The following CERS2 variants were observed in gnomAD, a reference collection of about 807,000 sequenced individuals.
CERS2 encodes the protein LAG1 homolog, ceramide synthase 2.
Under a neutral mutation model 56.6 loss-of-function variants are expected in CERS2, and 20 were observed. The ratio of observed to expected loss-of-function variants is 0.35; its 90% CI spans 0.25 to 0.51. The LOEUF is 0.51. Among genes scored for constraint, CERS2 ranks in the 20% least tolerant of loss-of-function variants. CERS2 has a pLI of 0.96. For missense variants in CERS2, 361 were observed against 488.6 expected (o/e 0.74, Z 2.46); for synonymous variants, 187 against 175.4 (o/e 1.07, Z -0.52).
chr1:150,968,783 G>A (rs1352916937), intron 2 of CERS2, 135 bp downstream of exon 2: 14 of 841,330 alleles, frequency 1.7e-5, no homozygotes, highest in African/African-American at 1.5e-4. Flanking sequence ...AGGGGAGGGG[G>A]TGCACAGTGG....
At chr1:150,970,034 C>A (rs1272070503) in intron 1 of CERS2, among the ~76,000 whole-genome samples, 1 of 152,020 alleles carries the variant, frequency 6.6e-6, no homozygotes, top group African/African-American at 2.4e-5. Context: ...TTGAGACCAG[C>A]CTGGGCAACA....
intron 1 of CERS2, among the ~76,000 whole-genome samples, chr1:150,971,112 A>G (rs954549292): frequency 2.0e-5 from 3 of 152,202 alleles, no homozygotes; most frequent in African/African-American, 7.2e-5. Context: ...ACTCAGCAAG[A>G]AGCCGCAGCA....
intron 1 of CERS2, among the ~76,000 whole-genome samples, chr1:150,970,252 G>T (rs1308526331): frequency 1.1e-5 from 1 of 91,858 alleles, no homozygotes; most frequent in Non-Finnish European, 2.1e-5. Context: ...AAAAAAAAAA[G>T]CCAAGGTAAA....
Position 150,967,387 on chromosome 1 carries a change from C to T in CERS2, c.612+5G>A. 6.3e-7 allele frequency: 1 copy of T among 1,581,298 alleles called. No individual in the cohort carries two copies. The highest frequency in any genetic ancestry group is 8.7e-7 in the Non-Finnish European group (1 of 1,150,208). On this transcript the variant is annotated splice_donor_5th_base_variant and intron_variant, in intron 7 of 10. Coordinates refer to ENST00000368954, the MANE Select transcript of CERS2 (RefSeq NM_022075.5). ...GAGGCTTAATTGCACAACCCCTTCACCCACCTTTCGCTTGACATCAGAGGC... is the reference window on the plus strand; with the variant it reads ...GAGGCTTAATTGCACAACCCCTTCATCCACCTTTCGCTTGACATCAGAGGC...
chr1:150,969,911 G>C (rs1671133986), intron 1 of CERS2, among the ~76,000 whole-genome samples: 1 of 152,100 alleles, frequency 6.6e-6, no homozygotes, highest in Non-Finnish European at 1.5e-5. Flanking sequence ...ACCCATCTGA[G>C]TAGCAAGTCC....
rs184117111 is a variant in CERS2 at position 150,971,227 on chromosome 1, G to A, written c.-1-2136C>T. Among the ~76,000 whole-genome samples the A allele has an allele frequency of 1.6e-3, 247 of 152,296 alleles. 1 individual carries two copies. Among genetic ancestry groups the A allele is most frequent in the African/African-American group, 5.7e-3 (237 of 41,566 alleles). On this transcript the variant is annotated intron_variant, in intron 1 of 10. Transcript: ENST00000368954. ...GCCCAGAAAGTGAAAGCAGAGACAG[G>A]AAGAAAAGAGAGTGGTGAAATTGTT...
At chr1:150,968,349 A>T (rs771455150) in intron 3 of CERS2, 46 bp downstream of exon 3, 24 of 1,547,436 alleles carry the variant, frequency 1.6e-5, no homozygotes, top group Non-Finnish European at 2.1e-5. Flanking sequence ...TCCCCCCACC[A>T]CCAAACTCAG....
intron 2 of CERS2, 84 bp from the exon 3 acceptor site, chr1:150,968,596 T>C: frequency 9.2e-7 from 1 of 1,084,874 alleles, no homozygotes; most frequent in Middle Eastern, 2.3e-4. Context: ...CTGGCCTCAG[T>C]TTCCCCAGCT....
intron 3 of CERS2, 90 bp from the exon 4 acceptor site, chr1:150,968,291 C>A: frequency 6.8e-7 from 1 of 1,464,890 alleles, no homozygotes. Flanking sequence ...CAGTCAGCAC[C>A]ACTGCTTCCC....
intron 1 of CERS2, among the ~76,000 whole-genome samples, chr1:150,971,346 A>T (rs996029966): frequency 3.3e-5 from 5 of 152,168 alleles, no homozygotes; most frequent in African/African-American, 1.2e-4. Context: ...CTGCTCTGAC[A>T]GCTCCCGCTC....
chr1:150,966,178 G>A lies in CERS2; in HGVS notation c.1113C>T (p.Ile371=), dbSNP rs1168332624. The A allele has an allele frequency of 1.2e-6, 2 of 1,608,294 alleles. No homozygotes were observed. The highest frequency in any genetic ancestry group is 2.7e-5 in the African/African-American group (2 of 74,478). The change falls in exon 11 of 11, where the codon ATC becomes ATT. Residue 371 remains isoleucine, a synonymous_variant. Transcript: ENST00000368954. ...CATTCTTACGATGGTTGTTATTGAG[G>A]ATGGGGTGGCCATTGGCTAGGGGCC... ...KSRPLANGHP[I]LNNNHRKND is the part of the protein sequence containing the mutation.
rs1642808286 is a variant in CERS2 at position 150,967,653 on chromosome 1, A to G, written c.519+11T>C. On this transcript the variant is annotated intron_variant, in intron 6 of 10. Transcript: ENST00000368954. ...TTAGTCCACCCCCACATGAGGAAGC[A>G]GAACTCATACCTGTATGGGATATCC... The G allele has an allele frequency of 6.2e-7, 1 of 1,610,124 alleles. No homozygotes were observed. Among genetic ancestry groups the G allele is most frequent in the Admixed American group, 1.7e-5 (1 of 60,022 alleles).
chr1:150,972,535 G>A lies in CERS2; in HGVS notation c.-2+2084C>T, dbSNP rs147231684. ...GCAAGAAAAGCTGAAGTGTACACAC[G>A]GTAAGGAGACAACCCTGTTTTTCCA... On this transcript the variant is annotated intron_variant, in intron 1 of 10. Coordinates refer to ENST00000368954, the MANE Select transcript of CERS2 (RefSeq NM_022075.5). Among the ~76,000 whole-genome samples the A allele has an allele frequency of 5.0e-3, 755 of 152,306 alleles. 12 individuals carry two copies. The highest frequency in any genetic ancestry group is 1.9e-3 in the Non-Finnish European group (130 of 68,018).
chr1:150,968,531 T>A lies in CERS2; in HGVS notation c.174-19A>T. On this transcript the variant is annotated intron_variant, in intron 2 of 10. Transcript: ENST00000368954. ...CACGTACCTGGGGAAGGGATATGAG[T>A]AAGGTATCTAGCTTGCTGGGAAGGG... 6.4e-7 allele frequency: 1 copy of A among 1,550,490 alleles called. No individual in the cohort carries two copies. Among genetic ancestry groups the A allele is most frequent in the Non-Finnish European group, 8.9e-7 (1 of 1,122,090 alleles).
rs768788631 is a variant in CERS2 at position 150,965,783 on chromosome 1, A to T, written c.*365T>A. 1.8e-4 allele frequency: 32 copies of T among 181,410 alleles called. No homozygotes were observed. The highest frequency in any genetic ancestry group is 3.3e-4 in the Non-Finnish European group (29 of 87,862). The allele number at this position is 181,410 out of a possible 1,614,324, so 11.2% of individuals were successfully genotyped here. Reference sequence around the variant, plus strand: ...CAATAAGGCACAACCCTGGCTCTGGAGGTCAGGGAGTCAAAGGCAAACAGC... The same window carrying T: ...CAATAAGGCACAACCCTGGCTCTGGTGGTCAGGGAGTCAAAGGCAAACAGC... On this transcript the variant is annotated 3_prime_UTR_variant, in exon 11 of 11. Transcript: ENST00000368954.
rs1313360179 is a variant in CERS2 at position 150,974,774 on chromosome 1, AGCCGCCGGC to A, written c.-166_-158del. ...CCGCCCTCGCCCTCCCTCCTCCGCC[AGCCGCCGGC>A]GCCGCCGCCGCCGCCCGCCGAGCCC... On this transcript the variant is annotated 5_prime_UTR_variant, in exon 1 of 11. Coordinates refer to ENST00000368954, the MANE Select transcript of CERS2 (RefSeq NM_022075.5). 3 of 150,696 alleles carry A rather than the reference AGCCGCCGGC, an allele frequency of 2.0e-5. No individual in the cohort carries two copies. Among genetic ancestry groups the A allele is most frequent in the South Asian group, 3.6e-4 (2 of 5,542 alleles). The allele number at this position is 150,696 out of a possible 1,614,324, so 9.3% of individuals were successfully genotyped here.
Position 150,966,563 on chromosome 1 carries a change from G to A in CERS2, c.915C>T (p.Phe305=). 1 of 1,614,072 alleles carries A rather than the reference G, an allele frequency of 6.2e-7. No homozygotes were observed. Among genetic ancestry groups the A allele is most frequent in the Non-Finnish European group, 8.5e-7 (1 of 1,179,960 alleles). ...GCTGTAGAACTCCCATCATGGAATT[G>A]AAGAAGTAATAGCCAAAGAAGGCAG... ...LYPAFFGYYF[F]NSMMGVLQLL... The change falls in exon 10 of 11, where the codon TTC becomes TTT. Residue 305 remains phenylalanine, a synonymous_variant. Transcript: ENST00000368954.
intron 6 of CERS2, 31 bp from the exon 7 acceptor site, chr1:150,967,515 A>C: frequency 6.9e-7 from 1 of 1,445,364 alleles, no homozygotes; most frequent in Non-Finnish European, 9.7e-7. Flanking sequence ...AAGAGCAACC[A>C]GCCGCAAGGG....
intron 2 of CERS2, among the ~76,000 whole-genome samples, 182 bp from the exon 3 acceptor site, chr1:150,968,694 G>C (rs144408385): frequency 6.6e-6 from 1 of 152,106 alleles, no homozygotes; most frequent in Non-Finnish European, 1.5e-5. Context: ...GGCGGGCGGC[G>C]GGTAGAGGGT....
Sources: gnomAD v4.1 joint callset for allele counts (sites outside exome capture counted in the v4.1 genomes callset) on GRCh38, gnomAD v4.1.1 for gene constraint, MANE v1.5 for transcripts, NCBI Gene and HGNC (gene_info 2026-07-23, HGNC 2026-07-21) for gene names.